Variants in RAB32 observed in about 807,000 individuals in gnomAD.
RAB32 encodes the protein RAB32, member RAS oncogene family.
A neutral mutation model predicts 17.5 loss-of-function variants in RAB32; 17 were observed. The observed-to-expected ratio is 0.97, with a 90% CI of 0.67 to 1.46. The LOEUF is 1.46. Among genes scored for constraint, RAB32 ranks in the 40% most tolerant of loss-of-function variants. The pLI is 0.00. For synonymous variants in RAB32, 115 were observed against 111.1 expected (o/e 1.04, Z -0.22); for missense variants, 288 against 284.3 (o/e 1.01, Z -0.09).
intron 2 of RAB32, among the ~76,000 whole-genome samples, chr6:146,550,132 CAG>C (rs1440066074): frequency 6.6e-6 from 1 of 152,116 alleles, no homozygotes; most frequent in African/African-American, 2.4e-5. Flanking sequence ...GTGTCACATG[CAG>C]GACCATGTGA....
In RAB32 at chr6:146,554,554, T is replaced by G; in HGVS notation, c.627T>G (p.Ile209Met). ...FPNEENDVDK[I>M]KLDQETLRAE... is the part of the protein sequence containing the mutation. ...ATGAAGAAAACGATGTGGACAAAAT[T>G]AAGCTAGATCAAGAGACCTTGAGAG... is the stretch of plus-strand genomic sequence containing the variant. The change falls in exon 3 of 3, where the codon ATT becomes ATG. Residue 209 changes from isoleucine to methionine, a missense_variant. Ile to Met is a conservative substitution (Grantham distance 10). Transcript: ENST00000367495. 1 of 1,613,812 alleles carries G rather than the reference T, an allele frequency of 6.2e-7. No homozygotes were observed. The highest frequency in any genetic ancestry group is 8.5e-7 in the Non-Finnish European group (1 of 1,179,794).
chr6:146,549,897 C>T (rs1377446503), intron 2 of RAB32, among the ~76,000 whole-genome samples, 156 bp downstream of exon 2: 1 of 152,196 alleles, frequency 6.6e-6, no homozygotes, highest in African/African-American at 2.4e-5. Flanking sequence ...CAGTCCACAA[C>T]AGGACTGCTT....
At position 146,554,352 on chromosome 6, in the gene RAB32, G is replaced by A. The variant is rs960681463; in HGVS notation, c.529-104G>A. On this transcript the variant is annotated intron_variant, in intron 2 of 2. Transcript: ENST00000367495. Reference sequence around the variant, plus strand: ...ATTAGAGGAAAGTGGCTGTGCACTTGCTGCCACCTCTAACAAATTTTCCTG... The same window carrying A: ...ATTAGAGGAAAGTGGCTGTGCACTTACTGCCACCTCTAACAAATTTTCCTG... 4 of 1,155,208 alleles carry A rather than the reference G, an allele frequency of 3.5e-6. No individual in the cohort carries two copies. The South Asian group carries it at 6.8e-5, about 20-fold the overall frequency. 71.6% of individuals were successfully genotyped at this position (1,155,208 alleles called of 1,614,324 possible). A position where few individuals can be genotyped will look rare whatever the true frequency, so the allele number is the denominator to read the frequency against.
chr6:146,553,038 G>A (rs1779915749), intron 2 of RAB32, among the ~76,000 whole-genome samples: 1 of 152,074 alleles, frequency 6.6e-6, no homozygotes. Flanking sequence ...AAAGAAATGG[G>A]GGAGAAGGGA....
chr6:146,552,835 C>T lies in RAB32; in HGVS notation c.529-1621C>T, dbSNP rs1301360787. On this transcript the variant is annotated intron_variant, in intron 2 of 2. Transcript: ENST00000367495. ...GTGGAACAAGTCAAGTAAAGATGTG[C>T]CTGAGATATTTTGTTGTGCAAGAAA... is the stretch of plus-strand genomic sequence containing the variant. Among the ~76,000 whole-genome samples the T allele has an allele frequency of 3.3e-5, 5 of 152,078 alleles. 1 individual carries two copies. The highest frequency in any genetic ancestry group is 1.2e-4 in the African/African-American group (5 of 41,414).
At chr6:146,544,153 G>C (rs1309974641) in intron 1 of RAB32, 32 bp downstream of exon 1, 1 of 1,575,214 alleles carries the variant, frequency 6.3e-7, no homozygotes, top group Non-Finnish European at 8.6e-7. Context: ...CCACTCCAGA[G>C]CCCCGCCGGG....
intron 1 of RAB32, among the ~76,000 whole-genome samples, chr6:146,545,220 G>C (rs559506170): frequency 5.9e-5 from 9 of 151,780 alleles, no homozygotes; most frequent in African/African-American, 2.2e-4. Context: ...TCAGTGAGCT[G>C]TGTTCTCACT....
At chr6:146,545,992 A>G (rs1418292619) in intron 1 of RAB32, among the ~76,000 whole-genome samples, 1 of 152,234 alleles carries the variant, frequency 6.6e-6, no homozygotes, top group African/African-American at 2.4e-5. Flanking sequence ...ATGAGTAACT[A>G]GATTTTTAAG....
intron 2 of RAB32, among the ~76,000 whole-genome samples, chr6:146,550,732 G>A (rs909140016): frequency 2.3e-4 from 34 of 145,658 alleles, no homozygotes; most frequent in Admixed American, 2.0e-3. Flanking sequence ...TTTGGGGGGG[G>A]GGTTACGTGC....
chr6:146,544,434 A>G (rs1583534859), intron 1 of RAB32, among the ~76,000 whole-genome samples: 1 of 151,942 alleles, frequency 6.6e-6, no homozygotes, highest in South Asian at 2.1e-4. Flanking sequence ...TCATACATAC[A>G]CCAGGACTAG....
At chr6:146,544,742 A>G (rs974404791) in intron 1 of RAB32, among the ~76,000 whole-genome samples, 6 of 131,088 alleles carry the variant, frequency 4.6e-5, no homozygotes, top group African/African-American at 1.2e-4. Flanking sequence ...TGCTAAACCA[A>G]CACCTAGTCC....
rs1453423791 is a variant in RAB32 at position 146,554,654 on chromosome 6, C to T, written c.*49C>T. 2 of 1,568,104 alleles carry T rather than the reference C, an allele frequency of 1.3e-6. No homozygotes were observed. The highest frequency in any genetic ancestry group is 3.9e-5 in the Admixed American group (2 of 51,532). On this transcript the variant is annotated 3_prime_UTR_variant, in exon 3 of 3. Transcript: ENST00000367495. ...GTGTGCCTCAGCTCTGAAGAAGTTC[C>T]TGAGAATGGGTTACAGATGTCATGT...
intron 2 of RAB32, among the ~76,000 whole-genome samples, chr6:146,550,365 G>C (rs1030502683): frequency 6.6e-6 from 1 of 152,128 alleles, no homozygotes; most frequent in Non-Finnish European, 1.5e-5. Flanking sequence ...TAACAGTCTA[G>C]TGACCAGGCA....
rs1018162658 is a variant in RAB32, at chr6:146,554,801, A to T, written c.*196A>T. ...TAGTGGCTCTGTAACTTAACAGATG[A>T]CAATTAGGCTTTTGTCATTGTTGCC... On this transcript the variant is annotated 3_prime_UTR_variant, in exon 3 of 3. Coordinates refer to ENST00000367495, the MANE Select transcript of RAB32 (RefSeq NM_006834.5). The T allele has an allele frequency of 4.2e-6, 2 of 471,156 alleles. No individual in the cohort carries two copies. Among genetic ancestry groups the T allele is most frequent in the African/African-American group, 3.9e-5 (2 of 50,806 alleles). The allele number at this position is 471,156 out of a possible 1,614,324, so 29.2% of individuals were successfully genotyped here. A position where few individuals can be genotyped will look rare whatever the true frequency, so the allele number is the denominator to read the frequency against.
chr6:146,548,284 G>C (rs1042535021), intron 1 of RAB32, among the ~76,000 whole-genome samples: 6 of 152,124 alleles, frequency 3.9e-5, no homozygotes, highest in African/African-American at 1.4e-4. Flanking sequence ...ATTCACGTTT[G>C]ACCATTGTTT....
chr6:146,554,421 A>T lies in RAB32; in HGVS notation c.529-35A>T, dbSNP rs1271518279. The T allele has an allele frequency of 1.9e-6, 3 of 1,571,796 alleles. No homozygotes were observed. The African/African-American group carries it at 4.1e-5, about 22-fold the overall frequency. On this transcript the variant is annotated intron_variant, in intron 2 of 2. Coordinates refer to ENST00000367495, the MANE Select transcript of RAB32 (RefSeq NM_006834.5). ...ATGCCTTATTCTAAGAATTAATCCT[A>T]AAAATTAATCCCGTTCTTCATTTCT...
chr6:146,546,782 G>GTTTTT (rs962778741), intron 1 of RAB32, among the ~76,000 whole-genome samples: 25 of 118,468 alleles, frequency 2.1e-4, no homozygotes, highest in African/African-American at 4.9e-4. Flanking sequence ...TACTAGTTAG[G>GTTTTT]TTTTTTTTTT....
chr6:146,547,722 CAAA>C (rs34641788), intron 1 of RAB32, among the ~76,000 whole-genome samples: 220 of 109,618 alleles, frequency 2.0e-3, no homozygotes, highest in Middle Eastern at 0.014. Context: ...AGATGATTCA[CAAA>C]AAAAAAAAAA....
rs1378424034 is a variant in RAB32 at position 146,544,081 on chromosome 6, C to T, written c.210C>T (p.Asp70=). The part of the protein sequence containing the change: ...VDFALKVLNW[D]SRTLVRLQLW... ...TCGCCCTCAAGGTCCTCAACTGGGA[C>T]AGCAGGACTCTGGTGCGCCTGCAGC... The change falls in exon 1 of 3, where the codon GAC becomes GAT. Residue 70 remains aspartate, a synonymous_variant. Coordinates refer to ENST00000367495, the MANE Select transcript of RAB32 (RefSeq NM_006834.5). 1.2e-6 allele frequency: 2 copies of T among 1,613,738 alleles called. No homozygotes were observed. The highest frequency in any genetic ancestry group is 1.7e-6 in the Non-Finnish European group (2 of 1,179,906).
Sources: gnomAD v4.1 joint callset for allele counts (sites outside exome capture counted in the v4.1 genomes callset) on GRCh38, gnomAD v4.1.1 for gene constraint, MANE v1.5 for transcripts, NCBI Gene and HGNC (gene_info 2026-07-23, HGNC 2026-07-21) for gene names.